Variants in ZNF728 observed in about 807,000 individuals in gnomAD.
ZNF728 encodes zinc finger protein 728.
A neutral mutation model predicts 12.5 loss-of-function variants in ZNF728; 12 were observed. That is an observed-to-expected ratio of 0.96 (90% CI 0.61 to 1.55). The LOEUF (loss-of-function observed/expected upper bound fraction) is 1.55. ZNF728 is among the 40% of genes most tolerant of loss of function. ZNF728 has a pLI of 0.00. For missense variants in ZNF728, 692 were observed against 719.2 expected (o/e 0.96, Z 0.43); for synonymous variants, 205 against 240.7 (o/e 0.85, Z 1.37).
intron 1 of ZNF728, among the ~76,000 whole-genome samples, chr19:22,989,517 G>C (rs555513012): frequency 1.3e-5 from 2 of 152,178 alleles, no homozygotes; most frequent in African/African-American, 4.8e-5. Flanking sequence ...TAATTCTATA[G>C]TGAAAAAATG....
chr19:22,975,979 T>C lies in ZNF728; in HGVS notation c.1358A>G (p.Lys453Arg). ...KVIHTGEKHY[K>R]CEECGKVFSW... ...GAAGACTTTGCCACATTCTTCACAT[T>C]TGTAGTGTTTCTCTCCAGTATGAAT... The change falls in exon 4 of 4, where the codon AAA becomes AGA. Residue 453 changes from lysine (K) to arginine (R), a missense_variant. Physicochemically the swap from Lys to Arg is conservative, Grantham distance 26 (BLOSUM62 2). Transcript: ENST00000594710. The C allele has an allele frequency of 6.2e-7, 1 of 1,612,942 alleles. No individual in the cohort carries two copies. Among genetic ancestry groups the C allele is most frequent in the Non-Finnish European group, 8.5e-7 (1 of 1,179,920 alleles).
intron 3 of ZNF728, among the ~76,000 whole-genome samples, chr19:22,978,021 T>C (rs1482448725): frequency 6.6e-6 from 1 of 151,870 alleles, no homozygotes; most frequent in Non-Finnish European, 1.5e-5. Flanking sequence ...AATATCTACA[T>C]TGTGGTGATA....
intron 1 of ZNF728, among the ~76,000 whole-genome samples, chr19:22,991,026 A>G (rs978643526): frequency 3.9e-5 from 6 of 152,202 alleles, no homozygotes; most frequent in Non-Finnish European, 7.3e-5. Context: ...TATTACCCTT[A>G]ATTAGAAAAA....
chr19:22,983,970 G>A (rs537604281), intron 3 of ZNF728, among the ~76,000 whole-genome samples: 3 of 152,136 alleles, frequency 2.0e-5, no homozygotes, highest in South Asian at 2.1e-4. Context: ...AAACCTGCAC[G>A]TTCTGCACAT....
chr19:22,980,203 A>AC (rs1968847447), intron 3 of ZNF728, among the ~76,000 whole-genome samples: 1 of 71,700 alleles, frequency 1.4e-5, no homozygotes, highest in Non-Finnish European at 2.5e-5. Context: ...AAAAAGAAAC[A>AC]AAAAAAAAAA....
intron 1 of ZNF728, among the ~76,000 whole-genome samples, chr19:23,002,618 T>G (rs1211335568): frequency 2.0e-5 from 3 of 152,326 alleles, no homozygotes; most frequent in Admixed American, 6.5e-5. Flanking sequence ...ATTTGTGCGG[T>G]GACTTCTGCA....
chr19:23,000,263 A>C (rs1969093735), intron 1 of ZNF728, among the ~76,000 whole-genome samples: 1 of 152,136 alleles, frequency 6.6e-6, no homozygotes, highest in South Asian at 2.1e-4. Flanking sequence ...CTGTAGTCCC[A>C]GCTACTCGGG....
At chr19:23,000,865 C>CAAAAAAAAAAAAAAAAAAAACAAAA (rs1969102795) in intron 1 of ZNF728, among the ~76,000 whole-genome samples, 1 of 32,582 alleles carries the variant, frequency 3.1e-5, no homozygotes, top group Non-Finnish European at 7.2e-5. Context: ...AAAACACTGT[C>CAAAAAAAAAAAAAAAAAAAACAAAA]AAAAAAAAAA....
chr19:22,996,071 C>T (rs289290), intron 1 of ZNF728, among the ~76,000 whole-genome samples: 46,535 of 151,914 alleles, frequency 0.31, 9,251 homozygotes, highest in African/African-American at 0.57. Flanking sequence ...ATATCTACTG[C>T]AACGATTTAA....
chr19:22,989,980 C>T (rs1968967793), intron 1 of ZNF728, among the ~76,000 whole-genome samples: 1 of 152,134 alleles, frequency 6.6e-6, no homozygotes, highest in Admixed American at 6.6e-5. Flanking sequence ...CCATGTTCAA[C>T]AGCCACAAAG....
intron 3 of ZNF728, chr19:22,985,660 A>G (rs1247884273): frequency 6.6e-6 from 1 of 152,270 alleles, no homozygotes; most frequent in Non-Finnish European, 1.5e-5. Context: ...CTTACTCTGT[A>G]ATCATCCCAA....
chr19:22,976,818 CAA>C lies in ZNF728; in HGVS notation c.517_518del (p.Leu173GlufsTer3), dbSNP rs1231248980. ...ATGATCTGACATATTCTTTACATTT[CAA>C]AAGTTTCTTTCCAGTATGCCTTATC... ...HKIRHTGKKL[L>X]KCKEYVRSFC... is the part of the protein sequence containing the mutation. On this transcript the variant is annotated frameshift_variant, in exon 4 of 4. Transcript: ENST00000594710. LOFTEE classifies it low-confidence loss of function (END_TRUNC). The C allele has an allele frequency of 6.2e-7, 1 of 1,613,224 alleles. No homozygotes were observed. The highest frequency in any genetic ancestry group is 2.2e-5 in the East Asian group (1 of 44,838).
chr19:22,979,648 A>T (rs1350843591), intron 3 of ZNF728, among the ~76,000 whole-genome samples: 1 of 152,220 alleles, frequency 6.6e-6, no homozygotes, highest in Non-Finnish European at 1.5e-5. Flanking sequence ...AGCCCATCAG[A>T]CTAAAAGTGG....
intron 3 of ZNF728, among the ~76,000 whole-genome samples, chr19:22,984,428 A>C (rs532916244): frequency 6.6e-6 from 1 of 151,886 alleles, no homozygotes; most frequent in Admixed American, 6.6e-5. Flanking sequence ...GCTTGGTGGC[A>C]TGCACCTGTA....
intron 1 of ZNF728, among the ~76,000 whole-genome samples, chr19:23,000,865 C>CAAAAA (rs879559395): frequency 3.7e-4 from 12 of 32,602 alleles, no homozygotes; most frequent in African/African-American, 8.8e-4. Flanking sequence ...AAAACACTGT[C>CAAAAA]AAAAAAAAAA....
intron 1 of ZNF728, among the ~76,000 whole-genome samples, chr19:23,001,662 A>G (rs2145358152): frequency 6.6e-6 from 1 of 152,356 alleles, no homozygotes; most frequent in East Asian, 1.9e-4. Flanking sequence ...ATCTGTGTCT[A>G]CGGAAAACAG....
At chr19:22,989,810 C>A (rs1037744712) in intron 1 of ZNF728, among the ~76,000 whole-genome samples, 3 of 151,916 alleles carry the variant, frequency 2.0e-5, no homozygotes, top group African/African-American at 7.3e-5. Context: ...TTAGAATTTC[C>A]TGGGTAATAA....
At chr19:22,990,133 T>C (rs904207782) in intron 1 of ZNF728, among the ~76,000 whole-genome samples, 1 of 152,096 alleles carries the variant, frequency 6.6e-6, no homozygotes, top group South Asian at 2.1e-4. Context: ...TTTTTTAAAG[T>C]AGTTAAGACA....
Position 22,985,691 on chromosome 19 carries a change from G to C in ZNF728, c.226+1617C>G, listed in dbSNP as rs114867881. The C allele has an allele frequency of 9.9e-3, 1,505 of 152,310 alleles. 32 individuals are homozygous for C. The highest frequency in any genetic ancestry group is 0.034 in the African/African-American group (1,430 of 41,562). The allele number at this position is 152,310 out of a possible 1,614,324, so 9.4% of individuals were successfully genotyped here. A position where few individuals can be genotyped will look rare whatever the true frequency, so the allele number is the denominator to read the frequency against. ...CCCAAACTCCTCCCAGCCACAGTCT[G>C]TGAGAGGTCTTGGGTCTTCCAGAGG... On this transcript the variant is annotated intron_variant, in intron 3 of 3. Coordinates refer to ENST00000594710, the MANE Select transcript of ZNF728 (RefSeq NM_001267716.2).
Sources: allele counts gnomAD v4.1 joint callset (sites outside exome capture counted in the v4.1 genomes callset), GRCh38; gene constraint gnomAD v4.1.1; transcripts MANE v1.5; gene names NCBI Gene and HGNC (gene_info 2026-07-23, HGNC 2026-07-21).